Variants in ACVR1C observed in about 807,000 individuals in gnomAD.
The protein encoded by ACVR1C is activin receptor type-1C.
A neutral mutation model predicts 57.9 loss-of-function variants in ACVR1C; 23 were observed. That is an observed-to-expected ratio of 0.40 (90% CI 0.29 to 0.56). ACVR1C has a LOEUF of 0.56. ACVR1C is among the 20% of genes least tolerant of loss of function. The pLI is 0.50. For missense variants in ACVR1C, 480 were observed against 607.9 expected (o/e 0.79, Z 2.21); for synonymous variants, 214 against 215.3 (o/e 0.99, Z 0.05).
chr2:157,582,093 A>G (rs370543078), intron 2 of ACVR1C, among the ~76,000 whole-genome samples: 1 of 152,184 alleles, frequency 6.6e-6, no homozygotes. Context: ...TGAAGCAGGA[A>G]GACTGCTTAA....
intron 4 of ACVR1C, among the ~76,000 whole-genome samples, chr2:157,548,143 C>CA (rs1687815267): frequency 6.6e-6 from 1 of 150,810 alleles, no homozygotes; most frequent in Non-Finnish European, 1.5e-5. Flanking sequence ...AACAGACAAA[C>CA]AGAGAGCCAA....
intron 1 of ACVR1C, among the ~76,000 whole-genome samples, chr2:157,618,143 A>C (rs922624371): frequency 6.6e-6 from 1 of 151,910 alleles, no homozygotes; most frequent in South Asian, 2.1e-4. Context: ...CATAAAAGCC[A>C]AAATAATAAC....
intron 1 of ACVR1C, among the ~76,000 whole-genome samples, chr2:157,623,087 C>A (rs1040141021): frequency 3.3e-5 from 5 of 152,098 alleles, no homozygotes; most frequent in African/African-American, 1.2e-4. Context: ...AAATGGCTTA[C>A]ATTCCGAAGA....
At position 157,541,382 on chromosome 2, in the gene ACVR1C, C is replaced by T. The variant is rs148621386; in HGVS notation, c.1101-168G>A. On this transcript the variant is annotated intron_variant, in intron 6 of 8. Coordinates refer to ENST00000243349, the MANE Select transcript of ACVR1C (RefSeq NM_145259.3). ...TGGCTCAACCATCAAGTGTGTTCAG[C>T]ATCACTCCACCCATACTTTCTCTCA... is the stretch of plus-strand genomic sequence containing the variant. Among the ~76,000 whole-genome samples, 953 of 152,264 alleles carry T rather than the reference C, an allele frequency of 6.3e-3. 8 individuals carry two copies. The highest frequency in any genetic ancestry group is 0.022 in the African/African-American group (908 of 41,554).
intron 1 of ACVR1C, among the ~76,000 whole-genome samples, chr2:157,598,982 G>A: frequency 6.6e-6 from 1 of 151,962 alleles, no homozygotes; most frequent in East Asian, 1.9e-4. Flanking sequence ...GTCTCAAGTG[G>A]AAGGGGCAAT....
At chr2:157,575,577 T>C (rs780315451) in intron 2 of ACVR1C, among the ~76,000 whole-genome samples, 1 of 152,234 alleles carries the variant, frequency 6.6e-6, no homozygotes, top group Non-Finnish European at 1.5e-5. Context: ...CCAACAGTGC[T>C]GTTTTAATGA....
chr2:157,559,258 C>T (rs754347224), intron 2 of ACVR1C, among the ~76,000 whole-genome samples: 2 of 152,132 alleles, frequency 1.3e-5, no homozygotes, highest in South Asian at 2.1e-4. Context: ...ACAAATTTAC[C>T]GATATGAGTC....
chr2:157,587,769 G>A (rs1158887359), intron 1 of ACVR1C, among the ~76,000 whole-genome samples: 1 of 152,010 alleles, frequency 6.6e-6, no homozygotes, highest in East Asian at 1.9e-4. Flanking sequence ...CAGCAACCAA[G>A]GGGAGCTGTC....
In ACVR1C at chr2:157,587,003, T is replaced by G. The variant is rs149442831; in HGVS notation, c.304+184A>C. On this transcript the variant is annotated intron_variant, in intron 2 of 8. Coordinates refer to ENST00000243349, the MANE Select transcript of ACVR1C (RefSeq NM_145259.3). ...GTTATTGTCAATGTTTTGACAATGA[T>G]GTGCAATTTTTTAAAAACTCAACCT... Among the ~76,000 whole-genome samples, 47 of 152,274 alleles carry G rather than the reference T, an allele frequency of 3.1e-4. 1 individual carries two copies. The highest frequency in any genetic ancestry group is 1.1e-3 in the African/African-American group (47 of 41,576).
intron 4 of ACVR1C, among the ~76,000 whole-genome samples, chr2:157,546,195 C>T (rs1205739656): frequency 6.6e-6 from 1 of 152,178 alleles, no homozygotes; most frequent in Non-Finnish European, 1.5e-5. Flanking sequence ...AACCAGTAGG[C>T]AGTTCAGCTC....
At chr2:157,605,658 A>T (rs1682376523) in intron 1 of ACVR1C, among the ~76,000 whole-genome samples, 1 of 151,522 alleles carries the variant, frequency 6.6e-6, no homozygotes, top group African/African-American at 2.4e-5. Flanking sequence ...CCTATACTTC[A>T]TTTTACTTTT....
At chr2:157,593,005 T>G (rs536306283) in intron 1 of ACVR1C, among the ~76,000 whole-genome samples, 2 of 152,230 alleles carry the variant, frequency 1.3e-5, no homozygotes, top group Admixed American at 1.3e-4. Context: ...ACAAGGAAGA[T>G]TGTACTTTGC....
rs1277906161 is a variant in ACVR1C, at chr2:157,531,452, AT to A, written c.*2465del. ...GAAAGTTGAACCAATAAAATATGAA[AT>A]TATATTTAGACACCCTCAAATAAGC... is the stretch of plus-strand genomic sequence containing the variant. On this transcript the variant is annotated 3_prime_UTR_variant, in exon 9 of 9. Transcript: ENST00000243349. 2 of 152,072 alleles carry A rather than the reference AT, an allele frequency of 1.3e-5. No homozygotes were observed. The highest frequency in any genetic ancestry group is 4.8e-5 in the African/African-American group (2 of 41,434). 9.4% of individuals were successfully genotyped at this position (152,072 alleles called of 1,614,324 possible). A position where few individuals can be genotyped will look rare whatever the true frequency, so the allele number is the denominator to read the frequency against.
chr2:157,552,142 T>C (rs1687939451), intron 3 of ACVR1C, among the ~76,000 whole-genome samples: 1 of 152,134 alleles, frequency 6.6e-6, no homozygotes, highest in African/African-American at 2.4e-5. Context: ...GTTTGTTTGT[T>C]TGTTTGTTTT....
intron 2 of ACVR1C, among the ~76,000 whole-genome samples, chr2:157,578,767 CT>C (rs919066217): frequency 5.9e-5 from 9 of 152,124 alleles, no homozygotes; most frequent in South Asian, 2.1e-4. Flanking sequence ...TACACTGTTT[CT>C]CTTTTCACTT....
At chr2:157,595,190 TC>T (rs1682063351) in intron 1 of ACVR1C, among the ~76,000 whole-genome samples, 1 of 152,232 alleles carries the variant, frequency 6.6e-6, no homozygotes, top group African/African-American at 2.4e-5. Context: ...TCTTAAAACA[TC>T]CCTTTGAAAG....
chr2:157,547,084 T>C (rs1488599868), intron 4 of ACVR1C, among the ~76,000 whole-genome samples: 1 of 140,632 alleles, frequency 7.1e-6, no homozygotes. Context: ...TTTTTGTTCT[T>C]GCGATAGTTT....
chr2:157,620,654 A>G (rs564364381), intron 1 of ACVR1C, among the ~76,000 whole-genome samples: 2 of 152,244 alleles, frequency 1.3e-5, no homozygotes, highest in East Asian at 3.9e-4. Flanking sequence ...TATGGGATAC[A>G]ATGTGATGTT....
At chr2:157,579,184 G>C (rs1034913737) in intron 2 of ACVR1C, among the ~76,000 whole-genome samples, 1 of 152,054 alleles carries the variant, frequency 6.6e-6, no homozygotes, top group Non-Finnish European at 1.5e-5. Flanking sequence ...GGAAATTTTT[G>C]AGCTGTTACC....
Sources: gnomAD v4.1 joint callset for allele counts (sites outside exome capture counted in the v4.1 genomes callset) on GRCh38, gnomAD v4.1.1 for gene constraint, MANE v1.5 for transcripts, NCBI Gene and HGNC (gene_info 2026-07-23, HGNC 2026-07-21) for gene names.